Variants in KTN1 observed in about 807,000 individuals in gnomAD.
The protein encoded by KTN1 is kinectin 1.
A neutral mutation model predicts 222.5 loss-of-function variants in KTN1; 130 were observed. The observed-to-expected ratio is 0.58, with a 90% CI of 0.51 to 0.68. The LOEUF is 0.68. Among genes scored for constraint, KTN1 ranks in the 30% least tolerant of loss-of-function variants. The probability of loss-of-function intolerance (pLI) is 0.00; values close to 1 mark genes in which losing one functional copy is unlikely to be tolerated. For missense variants in KTN1, 1,508 were observed against 1,500.4 expected (o/e 1.01, Z -0.08); for synonymous variants, 512 against 496.3 (o/e 1.03, Z -0.42).
chr14:55,651,808 G>A (rs927219656), intron 24 of KTN1, 82 bp from the exon 25 acceptor site: 25 of 877,708 alleles, frequency 2.8e-5, no homozygotes, highest in Non-Finnish European at 4.5e-5. Context: ...AATTTGAAGT[G>A]TACACATTAT....
intron 1 of KTN1, among the ~76,000 whole-genome samples, chr14:55,586,418 TTATCA>T (rs147864058): frequency 2.0e-5 from 3 of 149,618 alleles, no homozygotes; most frequent in African/African-American, 4.9e-5. Flanking sequence ...TTTAGGTGCA[TTATCA>T]TATCATATCA....
intron 1 of KTN1, among the ~76,000 whole-genome samples, chr14:55,590,349 A>G (rs2033887911): frequency 6.6e-6 from 1 of 152,248 alleles, no homozygotes; most frequent in Admixed American, 6.5e-5. Flanking sequence ...TGTACTGAAC[A>G]CCTGTGTACC....
intron 34 of KTN1, chr14:55,667,553 G>C: frequency 3.4e-6 from 1 of 296,638 alleles, no homozygotes. Context: ...TGAGACATTA[G>C]AGGATTAAAA....
At chr14:55,660,978 T>C (rs756236538) in intron 31 of KTN1, among the ~76,000 whole-genome samples, 4 of 152,146 alleles carry the variant, frequency 2.6e-5, no homozygotes, top group Non-Finnish European at 4.4e-5. Context: ...AATCAAATTA[T>C]GAATCTTTGC....
At chr14:55,679,758 A>G (rs1022774332) in intron 43 of KTN1, 73 bp downstream of exon 43, 6 of 1,428,784 alleles carry the variant, frequency 4.2e-6, no homozygotes, top group South Asian at 2.4e-5. Context: ...ATTTACATAA[A>G]TAAACTCACT....
At chr14:55,638,315 C>G (rs988724027) in intron 12 of KTN1, among the ~76,000 whole-genome samples, 45 of 151,772 alleles carry the variant, frequency 3.0e-4, no homozygotes, top group African/African-American at 9.7e-4. Flanking sequence ...CCAAAGTTTT[C>G]AAGTGATAGT....
chr14:55,600,919 A>T (rs1452651712), intron 1 of KTN1, among the ~76,000 whole-genome samples: 1 of 151,754 alleles, frequency 6.6e-6, no homozygotes, highest in Admixed American at 6.6e-5. Flanking sequence ...ATTATTTCCC[A>T]TGGAAGTGTT....
rs1255980612 is a variant in KTN1, at chr14:55,663,939, T to C, written c.3091-16T>C. The stretch of plus-strand genomic sequence containing the variant: ...ATAATGGATAAACTGAAATCATTCT[T>C]TCTAAAAATGATTAGGACCTTCGGG... On this transcript the variant is annotated splice_polypyrimidine_tract_variant and intron_variant, in intron 32 of 43. Coordinates refer to ENST00000395314, the MANE Select transcript of KTN1 (RefSeq NM_001079521.2). The C allele has an allele frequency of 6.3e-7, 1 of 1,588,860 alleles. No homozygotes were observed. Among genetic ancestry groups the C allele is most frequent in the East Asian group, 2.3e-5 (1 of 44,386 alleles).
At chr14:55,668,947 C>T (rs1450376656) in intron 34 of KTN1, 1 of 151,972 alleles carries the variant, frequency 6.6e-6, no homozygotes, top group Non-Finnish European at 1.5e-5. Flanking sequence ...GAGATCTCTA[C>T]CACTTTTGAG....
At chr14:55,623,085 T>C (rs997574041) in intron 5 of KTN1, among the ~76,000 whole-genome samples, 3 of 152,250 alleles carry the variant, frequency 2.0e-5, no homozygotes, top group Admixed American at 2.0e-4. Context: ...AATGTCATTT[T>C]CTCATATAAG....
intron 33 of KTN1, among the ~76,000 whole-genome samples, chr14:55,664,513 G>A (rs369597385): frequency 1.3e-5 from 2 of 152,266 alleles, no homozygotes; most frequent in East Asian, 1.9e-4. Context: ...AACTTTGGGT[G>A]TGTTGCTTGG....
chr14:55,665,689 C>G (rs2044656214), intron 33 of KTN1, among the ~76,000 whole-genome samples: 2 of 151,948 alleles, frequency 1.3e-5, no homozygotes, highest in South Asian at 4.1e-4. Flanking sequence ...TCTTGAGGAG[C>G]TACTGAAAGA....
At chr14:55,683,239 T>G (rs1391875690) in intron 43 of KTN1, 1 of 152,178 alleles carries the variant, frequency 6.6e-6, no homozygotes, top group Non-Finnish European at 1.5e-5. Context: ...CAGTGATAAC[T>G]TTGCTTTTTA....
chr14:55,622,799 TTATATTAC>T (rs2039331545), intron 5 of KTN1, among the ~76,000 whole-genome samples: 2 of 152,222 alleles, frequency 1.3e-5, no homozygotes, highest in South Asian at 4.1e-4. Context: ...AGATAAATTG[TTATATTAC>T]TGCTTTAAAA....
chr14:55,619,627 A>C (rs2038862123), intron 5 of KTN1, among the ~76,000 whole-genome samples: 1 of 152,186 alleles, frequency 6.6e-6, no homozygotes, highest in East Asian at 1.9e-4. Context: ...AGAGGGAATG[A>C]GAATCAAGCG....
chr14:55,648,850 A>C lies in KTN1; in HGVS notation c.2347A>C (p.Lys783Gln), dbSNP rs2042653362. The C allele has an allele frequency of 1.3e-6, 2 of 1,599,008 alleles. No homozygotes were observed. Among genetic ancestry groups the C allele is most frequent in the South Asian group, 1.1e-5 (1 of 89,824 alleles). ...TCTGACAAAAGAAGTTCAAGACTTA[A>C]AAGCTAAGCAAAATGATCAGGTAAT... Reference protein sequence around the residue: ...SSLTKEVQDLKAKQNDQVSFA... With the variant: ...SSLTKEVQDLQAKQNDQVSFA... The change falls in exon 21 of 44, where the codon AAA becomes CAA. Residue 783 changes from lysine (K) to glutamine (Q), a missense_variant. Lys to Gln is a moderately conservative substitution (Grantham distance 53). Transcript: ENST00000395314.
chr14:55,643,422 A>G (rs985848413), intron 18 of KTN1, among the ~76,000 whole-genome samples: 1 of 152,110 alleles, frequency 6.6e-6, no homozygotes, highest in Non-Finnish European at 1.5e-5. Flanking sequence ...GGTGACTTGG[A>G]TTAGATAAAA....
At chr14:55,609,189 C>CCCTCTCTG (rs1365537612) in intron 1 of KTN1, among the ~76,000 whole-genome samples, 1 of 152,068 alleles carries the variant, frequency 6.6e-6, no homozygotes, top group African/African-American at 2.4e-5. Context: ...TGTGTTGTTC[C>CCCTCTCTG]CCTCTCTGTG....
Position 55,654,538 on chromosome 14 carries a change from ATTT to A in KTN1, c.2801+954_2801+956del, listed in dbSNP as rs143099004. ...AATTTTAGGTATATTTCTGCCTTAC[ATTT>A]TTTTTTTTTTTGCCATTTTCTTTTT... On this transcript the variant is annotated intron_variant, in intron 28 of 43. Coordinates refer to ENST00000395314, the MANE Select transcript of KTN1 (RefSeq NM_001079521.2). 6.5e-3 allele frequency among the ~76,000 whole-genome samples: 910 copies of A among 140,940 alleles called. 6 individuals are homozygous for A. Among genetic ancestry groups the A allele is most frequent in the African/African-American group, 0.022 (848 of 38,752 alleles). 92.5% of individuals were successfully genotyped at this position (140,940 alleles called of 152,430 possible). A position where few individuals can be genotyped will look rare whatever the true frequency, so the allele number is the denominator to read the frequency against.
Sources: gnomAD v4.1 joint callset for allele counts (sites outside exome capture counted in the v4.1 genomes callset) on GRCh38, gnomAD v4.1.1 for gene constraint, MANE v1.5 for transcripts, NCBI Gene and HGNC (gene_info 2026-07-23, HGNC 2026-07-21) for gene names.